PGAP4: variants seen among roughly 807,000 people sequenced by gnomAD.
PGAP4 encodes the protein post-GPI attachment to proteins GalNAc transferase 4.
PGAP4 carries 12 observed loss-of-function variants against 28.2 expected under a neutral mutation model. That is an observed-to-expected ratio of 0.42 (90% CI 0.27 to 0.69). PGAP4 has a LOEUF of 0.69. Ranked by LOEUF, PGAP4 falls within the 30% of genes least tolerant of loss-of-function variation. The pLI, the probability that PGAP4 is intolerant of heterozygous loss-of-function variation, is 0.22. For missense variants in PGAP4, 425 were observed against 513.5 expected (o/e 0.83, Z 1.67); for synonymous variants, 205 against 211.8 (o/e 0.97, Z 0.28).
chr9:101,511,285 C>T (rs971564219), intron 2 of PGAP4, among the ~76,000 whole-genome samples: 3 of 152,100 alleles, frequency 2.0e-5, no homozygotes, highest in Non-Finnish European at 4.4e-5. Context: ...TGGCCCAGTT[C>T]CTAACAGGCC....
At chr9:101,521,402 C>T (rs898489289) in intron 2 of PGAP4, among the ~76,000 whole-genome samples, 3 of 152,010 alleles carry the variant, frequency 2.0e-5, no homozygotes, top group African/African-American at 7.2e-5. Flanking sequence ...TGTTATTGGT[C>T]TGTTCAGGGT....
In PGAP4 at chr9:101,475,835, G is replaced by C. The variant is rs760884906; in HGVS notation, c.*46C>G. 6.5e-7 allele frequency: 1 copy of C among 1,548,084 alleles called. No homozygotes were observed. The highest frequency in any genetic ancestry group is 1.2e-5 in the South Asian group (1 of 83,176). ...TGTCTAAATAAAGAGATAAATATTTGAATCTTCAAGAAGTGGCCAACTTCA... is the reference window on the plus strand; with the variant it reads ...TGTCTAAATAAAGAGATAAATATTTCAATCTTCAAGAAGTGGCCAACTTCA... On this transcript the variant is annotated 3_prime_UTR_variant, in exon 2 of 2. Transcript: ENST00000374848.
rs147940477 is a variant in PGAP4, at chr9:101,481,098, G to A, written c.-77-3929C>T. On this transcript the variant is annotated intron_variant, in intron 1 of 1. Coordinates refer to ENST00000374848, the MANE Select transcript of PGAP4 (RefSeq NM_032342.3). ...AGGCTGAGGCAGGAGGATTGCCTGA[G>A]CCCCAGCAGGTCGAGGCCGCAGTGA... is the stretch of plus-strand genomic sequence containing the variant. Among the ~76,000 whole-genome samples, 459 of 152,272 alleles carry A rather than the reference G, an allele frequency of 3.0e-3. 3 individuals carry two copies. Among genetic ancestry groups the A allele is most frequent in the African/African-American group, 0.01 (419 of 41,550 alleles).
At chr9:101,531,662 T>C (rs1321615938) in intron 1 of PGAP4, 2 of 152,214 alleles carry the variant, frequency 1.3e-5, no homozygotes, top group Non-Finnish European at 1.5e-5. Flanking sequence ...TGGAACTTAG[T>C]ATTTAAGACA....
intron 2 of PGAP4, among the ~76,000 whole-genome samples, chr9:101,518,632 C>T (rs955121281): frequency 3.3e-5 from 5 of 152,158 alleles, no homozygotes; most frequent in Admixed American, 2.6e-4. Flanking sequence ...TAGGTCTCTG[C>T]GAATGGTGTT....
At chr9:101,526,590 C>T (rs1196881567) in intron 2 of PGAP4, among the ~76,000 whole-genome samples, 1 of 152,122 alleles carries the variant, frequency 6.6e-6, no homozygotes, top group East Asian at 1.9e-4. Flanking sequence ...GCTGAGACTA[C>T]AGGTATGCGC....
At chr9:101,493,403 G>A (rs1011037068) in intron 2 of PGAP4, among the ~76,000 whole-genome samples, 4 of 152,128 alleles carry the variant, frequency 2.6e-5, no homozygotes, top group Non-Finnish European at 4.4e-5. Context: ...AGTCAGCCAT[G>A]GATTTGGGCA....
intron 2 of PGAP4, among the ~76,000 whole-genome samples, chr9:101,515,550 A>G (rs146562086): frequency 0.015 from 2,333 of 152,298 alleles, 61 homozygotes; most frequent in Admixed American, 0.064. Flanking sequence ...TTTACATGGT[A>G]ATGCAGGACT....
intron 1 of PGAP4, among the ~76,000 whole-genome samples, chr9:101,482,956 T>C (rs1285094898): frequency 2.0e-5 from 3 of 152,210 alleles, no homozygotes; most frequent in South Asian, 2.1e-4. Flanking sequence ...AAAATAGCAA[T>C]GGAATTAATC....
intron 2 of PGAP4, among the ~76,000 whole-genome samples, chr9:101,498,673 C>T (rs1826773139): frequency 6.6e-6 from 1 of 151,766 alleles, no homozygotes; most frequent in Admixed American, 6.6e-5. Flanking sequence ...AAAATAATGG[C>T]CATTTATGTA....
chr9:101,516,577 T>C (rs773231504), intron 2 of PGAP4, among the ~76,000 whole-genome samples: 1 of 152,220 alleles, frequency 6.6e-6, no homozygotes, highest in Non-Finnish European at 1.5e-5. Flanking sequence ...TTCTGTTAAA[T>C]GGTGCAATTT....
Position 101,476,698 on chromosome 9 carries a change from C to A in PGAP4, c.395G>T (p.Cys132Phe). 1 of 1,614,142 alleles carries A rather than the reference C, an allele frequency of 6.2e-7. No individual in the cohort carries two copies. The highest frequency in any genetic ancestry group is 8.5e-7 in the Non-Finnish European group (1 of 1,180,040). Residue 132 changes from cysteine (C) to phenylalanine (F), a missense_variant, in exon 2 of 2, where the codon TGT (cysteine) becomes TTT (phenylalanine). Transcript: ENST00000374848. This position sits in a 1 kb window ranked among gnomAD's most constrained non-coding sequence, Gnocchi z 7.0. Reference protein sequence around the residue: ...VSQFHRLLQQCGPQCEGHQLF... With the variant: ...VSQFHRLLQQFGPQCEGHQLF... ...TTGGTGCCCCTCGCACTGGGGGCCA[C>A]ATTGCTGAAGAAGCCGGTGGAACTG...
rs896207880 is a variant in PGAP4, at chr9:101,477,170, C to A, written c.-77-1G>T. On this transcript the variant is annotated splice_acceptor_variant, in intron 1 of 1. Transcript: ENST00000374848. LOFTEE classifies it low-confidence loss of function (5UTR_SPLICE). Reference sequence around the variant, plus strand: ...AGGCCAGAGTCATCAGAAATCAAACCTAAAGAGAGAGGAAGTAGGGAATGG... The same window carrying A: ...AGGCCAGAGTCATCAGAAATCAAACATAAAGAGAGAGGAAGTAGGGAATGG... 1.2e-4 allele frequency: 170 copies of A among 1,470,832 alleles called. No homozygotes were observed. The highest frequency in any genetic ancestry group is 1.5e-4 in the Non-Finnish European group (166 of 1,113,362). The allele number at this position is 1,470,832 out of a possible 1,614,324, so 91.1% of individuals were successfully genotyped here. A position where few individuals can be genotyped will look rare whatever the true frequency, so the allele number is the denominator to read the frequency against.
intron 2 of PGAP4, among the ~76,000 whole-genome samples, chr9:101,518,822 G>C (rs942233266): frequency 1.3e-5 from 2 of 152,172 alleles, no homozygotes; most frequent in African/African-American, 2.4e-5. Context: ...CCTCTGAGTA[G>C]ATACCCAGTA....
intron 2 of PGAP4, among the ~76,000 whole-genome samples, chr9:101,503,023 C>CT (rs1389446110): frequency 2.0e-5 from 3 of 152,056 alleles, no homozygotes; most frequent in Non-Finnish European, 4.4e-5. Context: ...GCAAATACTC[C>CT]TTTTCATCCT....
intron 1 of PGAP4, among the ~76,000 whole-genome samples, chr9:101,532,152 C>A (rs1275711701): frequency 6.6e-6 from 1 of 152,044 alleles, no homozygotes; most frequent in Non-Finnish European, 1.5e-5. Context: ...TGCCTGTGAT[C>A]CCACCCACTT....
At chr9:101,503,338 G>A (rs181671523) in intron 2 of PGAP4, among the ~76,000 whole-genome samples, 101 of 152,140 alleles carry the variant, frequency 6.6e-4, no homozygotes, top group African/African-American at 2.4e-3. Context: ...TTTCGCTTGA[G>A]AAGGTTAACT....
At chr9:101,481,241 A>C (rs544038765) in intron 1 of PGAP4, 2 of 152,372 alleles carry the variant, frequency 1.3e-5, no homozygotes, top group African/African-American at 4.8e-5. Context: ...AGGGGAACAG[A>C]TATAAAAACA....
intron 2 of PGAP4, among the ~76,000 whole-genome samples, chr9:101,527,907 G>C (rs374633286): frequency 2.8e-4 from 42 of 152,214 alleles, no homozygotes; most frequent in African/African-American, 9.1e-4. Context: ...TCATCATCTT[G>C]ACTGCCCATT....
Sources: gnomAD v4.1 joint callset for allele counts (sites outside exome capture counted in the v4.1 genomes callset) on GRCh38, gnomAD v4.1.1 for gene constraint, Gnocchi (gnomAD v3.1) non-coding constraint, MANE v1.5 for transcripts, NCBI Gene and HGNC (gene_info 2026-07-23, HGNC 2026-07-21) for gene names.